EIF2S1: variants seen among roughly 807,000 people sequenced by gnomAD.
EIF2S1 encodes eukaryotic translation initiation factor 2 subunit 1.
A neutral mutation model predicts 33.5 loss-of-function variants in EIF2S1; 5 were observed. The observed-to-expected ratio is 0.15, with a 90% confidence interval of 0.08 to 0.31. EIF2S1 has a LOEUF of 0.31. Among genes scored for constraint, EIF2S1 ranks in the 10% least tolerant of loss-of-function variants. EIF2S1 has a pLI of 1.00. For synonymous variants in EIF2S1, 99 were observed against 127.5 expected (o/e 0.78, Z 1.51); for missense variants, 191 against 384.6 (o/e 0.50, Z 4.21).
chr14:67,377,162 C>T (rs1455699519), intron 4 of EIF2S1, among the ~76,000 whole-genome samples: 1 of 152,190 alleles, frequency 6.6e-6, no homozygotes. Context: ...CCAACATAGG[C>T]ACACCATGAT....
intron 4 of EIF2S1, among the ~76,000 whole-genome samples, chr14:67,379,654 C>CTTTTTTTTTTTTTTTTTTTTTTTTTTT (rs541791101): frequency 1.3e-4 from 15 of 119,952 alleles, no homozygotes; most frequent in East Asian, 1.2e-3. Flanking sequence ...TTTTCTTTTT[C>CTTTTTTTTTTTTTTTTTTTTTTTTTTT]TTTTTTTTTT....
In EIF2S1 at chr14:67,360,360, G is replaced by T. The variant is rs1479731288; in HGVS notation, c.-98G>T. On this transcript the variant is annotated 5_prime_UTR_variant, in exon 1 of 8. The change creates a new upstream start codon in the 5' untranslated region. Coordinates refer to ENST00000256383, the MANE Select transcript of EIF2S1 (RefSeq NM_004094.5). ...GTGGAGTGAGCGAAGCGCACGCTGA[G>T]GAGGATCGGCGGCCGGTGAGGGGGA... The T allele has an allele frequency of 2.5e-6, 1 of 397,200 alleles. No homozygotes were observed. Among genetic ancestry groups the T allele is most frequent in the Non-Finnish European group, 4.4e-6 (1 of 225,596 alleles). 24.6% of individuals were successfully genotyped at this position (397,200 alleles called of 1,614,324 possible).
intron 1 of EIF2S1, 55 bp downstream of exon 1, chr14:67,360,511 G>A (rs1039234193): frequency 4.2e-5 from 13 of 309,556 alleles, no homozygotes; most frequent in Non-Finnish European, 6.5e-5. Flanking sequence ...TGTGTCCAGT[G>A]ACATGGGTGT....
intron 4 of EIF2S1, among the ~76,000 whole-genome samples, chr14:67,380,400 A>T (rs1595650323): frequency 1.3e-5 from 2 of 152,302 alleles, no homozygotes; most frequent in Admixed American, 1.3e-4. Context: ...GTAATCAATT[A>T]TAGTAGAATA....
At chr14:67,366,854 T>TGAGCCGAGATTGCGCCAC (rs2085782186) in intron 2 of EIF2S1, among the ~76,000 whole-genome samples, 3 of 152,066 alleles carry the variant, frequency 2.0e-5, no homozygotes, top group Admixed American at 6.5e-5. Context: ...ATGTTTTCTG[T>TGAGCCGAGATTGCGCCAC]TTTACACCTT....
chr14:67,376,611 C>T (rs756664819), intron 4 of EIF2S1, 21 bp downstream of exon 4: 2 of 1,605,228 alleles, frequency 1.2e-6, no homozygotes, highest in South Asian at 1.1e-5. Flanking sequence ...CTTCTTGACT[C>T]TCCTTCTACC....
rs1400694134 is a variant in EIF2S1 at position 67,386,502 on chromosome 14, T to C, written c.*3062T>C. On this transcript the variant is annotated 3_prime_UTR_variant, in exon 8 of 8. Coordinates refer to ENST00000256383, the MANE Select transcript of EIF2S1 (RefSeq NM_004094.5). Reference sequence around the variant, plus strand: ...TGTATAAACTTGAAAGTAATAAAAATGTTCTTTAAAAGTATTGTATGATAC... The same window carrying C: ...TGTATAAACTTGAAAGTAATAAAAACGTTCTTTAAAAGTATTGTATGATAC... 6.6e-6 allele frequency: 1 copy of C among 152,202 alleles called. No homozygotes were observed. Among genetic ancestry groups the C allele is most frequent in the South Asian group, 2.1e-4 (1 of 4,826 alleles). 9.4% of individuals were successfully genotyped at this position (152,202 alleles called of 1,614,324 possible). A position where few individuals can be genotyped will look rare whatever the true frequency, so the allele number is the denominator to read the frequency against.
In EIF2S1 at chr14:67,382,518, C is replaced by T. The variant is rs761845726; in HGVS notation, c.750C>T (p.Val250=). ...TTLERTEGLS[V]LSQAMAVIKE... Reference sequence around the variant, plus strand: ...TGGAGAGAACAGAAGGCCTTTCTGTCCTCAGTCAAGCTATGGCTGTTATCA... The same window carrying T: ...TGGAGAGAACAGAAGGCCTTTCTGTTCTCAGTCAAGCTATGGCTGTTATCA... Residue 250 remains valine, a synonymous_variant, in exon 7 of 8, where the codon GTC becomes GTT. Transcript: ENST00000256383. 1 of 1,613,254 alleles carries T rather than the reference C, an allele frequency of 6.2e-7. No homozygotes were observed. The highest frequency in any genetic ancestry group is 8.5e-7 in the Non-Finnish European group (1 of 1,179,368).
intron 2 of EIF2S1, among the ~76,000 whole-genome samples, chr14:67,371,862 T>C (rs2085823942): frequency 6.6e-6 from 1 of 152,222 alleles, no homozygotes. Context: ...AATATGTGAT[T>C]AGCATAGATA....
chr14:67,364,227 TTTTG>T (rs1454062495), intron 1 of EIF2S1: 1 of 152,148 alleles, frequency 6.6e-6, no homozygotes, highest in Non-Finnish European at 1.5e-5. Flanking sequence ...TTTTTTTAGT[TTTTG>T]TTGTTTTGAC....
At chr14:67,381,557 C>T (rs377708916) in intron 5 of EIF2S1, 36 bp from the exon 6 acceptor site, 4 of 1,547,864 alleles carry the variant, frequency 2.6e-6, no homozygotes, top group Admixed American at 3.4e-5. Flanking sequence ...ATATTTTTTG[C>T]ATTTTTTATC....
At position 67,383,269 on chromosome 14, in the gene EIF2S1, A is replaced by G. The variant is rs200070335; in HGVS notation, c.823-46A>G. The G allele has an allele frequency of 5.5e-5, 88 of 1,591,986 alleles. No homozygotes were observed. In the African/African-American group the frequency reaches 8.4e-4, roughly 15 times the overall value. On this transcript the variant is annotated intron_variant, in intron 7 of 7. Transcript: ENST00000256383. ...GTAATAGTATTGAAATTAAATTTGT[A>G]TAGTATTTACTACTTCAGTTTGAAA...
chr14:67,379,741 G>A (rs1249655022), intron 4 of EIF2S1, among the ~76,000 whole-genome samples: 1 of 129,276 alleles, frequency 7.7e-6, no homozygotes, highest in Non-Finnish European at 1.5e-5. Context: ...TGCAAGCTCC[G>A]CCTCCCGGGT....
intron 7 of EIF2S1, 159 bp downstream of exon 7, chr14:67,382,749 CA>C: frequency 4.1e-6 from 3 of 732,128 alleles, no homozygotes; most frequent in Non-Finnish European, 6.8e-6. Context: ...CGTCCCCAGC[CA>C]GGGGGAAGGG....
chr14:67,381,808 C>A, intron 6 of EIF2S1, 118 bp downstream of exon 6: 1 of 659,434 alleles, frequency 1.5e-6, no homozygotes, highest in African/African-American at 1.8e-5. Flanking sequence ...GGGTTTTTTA[C>A]TCTTAAAATT....
intron 1 of EIF2S1, among the ~76,000 whole-genome samples, chr14:67,362,025 CT>C (rs2085745983): frequency 6.5e-5 from 8 of 123,768 alleles, no homozygotes; most frequent in African/African-American, 2.4e-4. Context: ...TTTCTTTTTT[CT>C]TTTTTCTTTT....
chr14:67,379,698 AGG>A, intron 4 of EIF2S1, among the ~76,000 whole-genome samples: 1 of 113,736 alleles, frequency 8.8e-6, no homozygotes, highest in Non-Finnish European at 1.6e-5. Context: ...TCTGTCGCCC[AGG>A]CTGGAGTGCA....
At chr14:67,361,637 C>T (rs2085742097) in intron 1 of EIF2S1, among the ~76,000 whole-genome samples, 1 of 152,184 alleles carries the variant, frequency 6.6e-6, no homozygotes, top group Non-Finnish European at 1.5e-5. Flanking sequence ...GAAAGAAGTC[C>T]TACCTACCAT....
chr14:67,383,276 T>A (rs1263984716), intron 7 of EIF2S1, 39 bp from the exon 8 acceptor site: 1 of 1,604,950 alleles, frequency 6.2e-7, no homozygotes, highest in East Asian at 2.2e-5. Flanking sequence ...TGTATAGTAT[T>A]TACTACTTCA....
Sources: allele counts gnomAD v4.1 joint callset (sites outside exome capture counted in the v4.1 genomes callset), GRCh38; gene constraint gnomAD v4.1.1; transcripts MANE v1.5; gene names NCBI Gene and HGNC (gene_info 2026-07-23, HGNC 2026-07-21).